Variants in SLC25A36 observed in about 807,000 individuals in gnomAD.
SLC25A36 encodes epididymis secretory sperm binding protein.
Under a neutral mutation model 35.3 loss-of-function variants are expected in SLC25A36, and 24 were observed. The ratio of observed to expected loss-of-function variants is 0.68; its 90% CI spans 0.49 to 0.96. The LOEUF is 0.96. Among genes scored for constraint, SLC25A36 ranks in the 40% least tolerant of loss-of-function variants. SLC25A36 has a pLI of 0.00. For missense variants in SLC25A36, 294 were observed against 381.1 expected (o/e 0.77, Z 1.90); for synonymous variants, 141 against 132.2 (o/e 1.07, Z -0.46).
chr3:140,975,089 G>T (rs185922779), intron 6 of SLC25A36, among the ~76,000 whole-genome samples: 2,930 of 74,604 alleles, frequency 0.039, 104 homozygotes, highest in African/African-American at 0.098. Context: ...TGATAAACAA[G>T]ATACATTCTT....
In SLC25A36 at chr3:140,945,085, G is replaced by A. The variant is rs568916382; in HGVS notation, c.41+2990G>A. On this transcript the variant is annotated intron_variant, in intron 1 of 6. Transcript: ENST00000324194. The stretch of plus-strand genomic sequence containing the variant: ...AATAACAAATATTTCTAACAGTCCT[G>A]AAGGCTGGGAAGTTCAAAATTAAAG... 2.6e-4 allele frequency among the ~76,000 whole-genome samples: 39 copies of A among 152,236 alleles called. No homozygotes were observed. The South Asian group carries it at 6.6e-3, about 26-fold the overall frequency.
chr3:140,948,434 G>T (rs999466206), intron 1 of SLC25A36, among the ~76,000 whole-genome samples: 1 of 151,710 alleles, frequency 6.6e-6, no homozygotes, highest in African/African-American at 2.4e-5. Flanking sequence ...TGCCCACCTC[G>T]GCCTCCCAAA....
At chr3:140,949,165 CAA>C (rs960138638) in intron 1 of SLC25A36, among the ~76,000 whole-genome samples, 1 of 152,160 alleles carries the variant, frequency 6.6e-6, no homozygotes, top group Non-Finnish European at 1.5e-5. Flanking sequence ...CTTCTTTACT[CAA>C]GAGGTCCATA....
chr3:140,965,253 A>G (rs1934730635), intron 4 of SLC25A36: 1 of 151,788 alleles, frequency 6.6e-6, no homozygotes, highest in African/African-American at 2.4e-5. Context: ...TGTTCTTGAA[A>G]TAATCTAGAC....
Position 140,970,994 on chromosome 3 carries a change from G to A in SLC25A36, c.452+1G>A. ...AGACTCGGTTACAGCTTGATGCAAG[G>A]TATGTTAATTCCTTAAAATAAAATT... On this transcript the variant is annotated splice_donor_variant, in intron 5 of 6. Coordinates refer to ENST00000324194, the MANE Select transcript of SLC25A36 (RefSeq NM_001104647.3). LOFTEE classifies it high-confidence loss of function. 7.4e-7 allele frequency: 1 copy of A among 1,351,148 alleles called. No individual in the cohort carries two copies. The highest frequency in any genetic ancestry group is 1.1e-6 in the Non-Finnish European group (1 of 943,922). The allele number at this position is 1,351,148 out of a possible 1,614,324, so 83.7% of individuals were successfully genotyped here.
chr3:140,942,776 T>C (rs1488977627), intron 1 of SLC25A36: 1 of 152,238 alleles, frequency 6.6e-6, no homozygotes, highest in African/African-American at 2.4e-5. Context: ...GGCTTTGGTA[T>C]TCTCCCGTGG....
Position 140,959,544 on chromosome 3 carries a change from A to T in SLC25A36, c.284+4A>T. 3 of 964,010 alleles carry T rather than the reference A, an allele frequency of 3.1e-6. No individual in the cohort carries two copies. The highest frequency in any genetic ancestry group is 4.7e-5 in the East Asian group (1 of 21,078). 59.7% of individuals were successfully genotyped at this position (964,010 alleles called of 1,614,324 possible). A position where few individuals can be genotyped will look rare whatever the true frequency, so the allele number is the denominator to read the frequency against. ...TAGTGGGGGTAGCCCCTTCCAGGTA[A>T]AAAAAAAAAAAAATTGTTTAAAGCA... On this transcript the variant is annotated splice_donor_region_variant and intron_variant, in intron 3 of 6. Transcript: ENST00000324194.
intron 4 of SLC25A36, chr3:140,970,717 A>G: frequency 2.7e-6 from 1 of 376,694 alleles, no homozygotes; most frequent in Non-Finnish European, 4.9e-6. Flanking sequence ...TTTTAAAAGA[A>G]TCTGTTAGTT....
At chr3:140,948,677 T>A (rs1934233926) in intron 1 of SLC25A36, among the ~76,000 whole-genome samples, 1 of 152,262 alleles carries the variant, frequency 6.6e-6, no homozygotes, top group South Asian at 2.1e-4. Flanking sequence ...AATATTTTGT[T>A]CATCTATCTG....
At chr3:140,944,355 C>G (rs1934107253) in intron 1 of SLC25A36, among the ~76,000 whole-genome samples, 1 of 152,148 alleles carries the variant, frequency 6.6e-6, no homozygotes, top group African/African-American at 2.4e-5. Context: ...ACATGCATAA[C>G]TCGTGCTTTC....
rs544749324 is a variant in SLC25A36, at chr3:140,956,286, G to A, written c.42-241G>A. ...AGTAACAGCACCTATCAGTTGAAGTGTTTAGCAGTTATTCTTGCCAGATAG... is the reference window on the plus strand; with the variant it reads ...AGTAACAGCACCTATCAGTTGAAGTATTTAGCAGTTATTCTTGCCAGATAG... On this transcript the variant is annotated intron_variant, in intron 1 of 6. Transcript: ENST00000324194. Among the ~76,000 whole-genome samples, 6 of 152,244 alleles carry A rather than the reference G, an allele frequency of 3.9e-5. No homozygotes were observed. In the South Asian group the frequency reaches 1.0e-3, roughly 26 times the overall value.
chr3:140,946,052 C>G (rs746782471), intron 1 of SLC25A36, among the ~76,000 whole-genome samples: 2 of 152,098 alleles, frequency 1.3e-5, no homozygotes, highest in Non-Finnish European at 2.9e-5. Flanking sequence ...TTTCAGCTAA[C>G]CTTTAAGAAC....
At chr3:140,943,618 A>T (rs1291620660) in intron 1 of SLC25A36, among the ~76,000 whole-genome samples, 1 of 152,230 alleles carries the variant, frequency 6.6e-6, no homozygotes, top group South Asian at 2.1e-4. Flanking sequence ...GAGACCGCAG[A>T]TGTAGTCTAG....
chr3:140,950,053 T>A (rs1934276496), intron 1 of SLC25A36, among the ~76,000 whole-genome samples: 1 of 152,228 alleles, frequency 6.6e-6, no homozygotes, highest in Non-Finnish European at 1.5e-5. Flanking sequence ...GATGAGGATT[T>A]AGTTATATTG....
At chr3:140,951,793 C>T (rs1934331576) in intron 1 of SLC25A36, among the ~76,000 whole-genome samples, 1 of 151,942 alleles carries the variant, frequency 6.6e-6, no homozygotes. Context: ...CCACGCCTGG[C>T]CTTATTTTTT....
rs75249985 is a variant in SLC25A36, at chr3:140,980,704, C to T, written c.*4251C>T. ...TTAAATGTTCCCCCTGCCCCCCCCC[C>T]CTTTTAATATATATACACGGAGCTT... On this transcript the variant is annotated 3_prime_UTR_variant, in exon 7 of 7. Transcript: ENST00000324194. Among the ~76,000 whole-genome samples, 15 of 49,770 alleles carry T rather than the reference C, an allele frequency of 3.0e-4. No homozygotes were observed. Among genetic ancestry groups the T allele is most frequent in the Non-Finnish European group, 9.5e-4 (13 of 13,638 alleles). 32.7% of individuals were successfully genotyped at this position (49,770 alleles called of 152,430 possible). A position where few individuals can be genotyped will look rare whatever the true frequency, so the allele number is the denominator to read the frequency against.
At chr3:140,969,014 C>T (rs985701282) in intron 4 of SLC25A36, among the ~76,000 whole-genome samples, 13 of 151,768 alleles carry the variant, frequency 8.6e-5, no homozygotes, top group Non-Finnish European at 1.8e-4. Flanking sequence ...GCTTTTTACT[C>T]ATAAACCCTT....
At chr3:140,951,032 C>T (rs1233387329) in intron 1 of SLC25A36, among the ~76,000 whole-genome samples, 1 of 152,092 alleles carries the variant, frequency 6.6e-6, no homozygotes, top group Non-Finnish European at 1.5e-5. Flanking sequence ...TTAATTCCCT[C>T]TTGAATACTT....
At position 140,977,765 on chromosome 3, in the gene SLC25A36, TAAA is replaced by T. The variant is rs1935085686; in HGVS notation, c.*1315_*1317del. The T allele has an allele frequency of 6.6e-6, 1 of 152,174 alleles. No homozygotes were observed. Among genetic ancestry groups the T allele is most frequent in the Non-Finnish European group, 1.5e-5 (1 of 68,034 alleles). 9.4% of individuals were successfully genotyped at this position (152,174 alleles called of 1,614,324 possible). ...ACTTCGCCTATGCCATACTGGTGTA[TAAA>T]AACTGCCGCAATTGGACGCCGGTGT... On this transcript the variant is annotated 3_prime_UTR_variant, in exon 7 of 7. Coordinates refer to ENST00000324194, the MANE Select transcript of SLC25A36 (RefSeq NM_001104647.3).
Sources: allele counts gnomAD v4.1 joint callset (sites outside exome capture counted in the v4.1 genomes callset), GRCh38; gene constraint gnomAD v4.1.1; transcripts MANE v1.5; gene names NCBI Gene and HGNC (gene_info 2026-07-23, HGNC 2026-07-21).